GABBR2: variants seen among roughly 807,000 people sequenced by gnomAD.
The protein encoded by GABBR2 is gamma-aminobutyric acid type B receptor subunit 2, also known as G-protein coupled receptor 51.
Under a neutral mutation model 105.6 loss-of-function variants are expected in GABBR2, and 23 were observed. The observed-to-expected ratio is 0.22, with a 90% CI of 0.16 to 0.31. The LOEUF (loss-of-function observed/expected upper bound fraction) is 0.31. Among genes scored for constraint, GABBR2 ranks in the 10% least tolerant of loss-of-function variants. GABBR2 has a pLI of 1.00. For synonymous variants in GABBR2, 478 were observed against 499.7 expected (o/e 0.96, Z 0.58); for missense variants, 734 against 1,245.5 (o/e 0.59, Z 6.18).
chr9:98,516,793 C>T (rs1313708888), intron 3 of GABBR2, among the ~76,000 whole-genome samples: 1 of 152,180 alleles, frequency 6.6e-6, no homozygotes, highest in African/African-American at 2.4e-5. Flanking sequence ...CCGATATCAA[C>T]CACCCTTGGG....
intron 5 of GABBR2, among the ~76,000 whole-genome samples, chr9:98,479,519 C>T (rs1375647016): frequency 6.6e-6 from 1 of 152,230 alleles, no homozygotes; most frequent in Non-Finnish European, 1.5e-5. Context: ...CTCACAGCCT[C>T]TCCCTTCTCC....
At chr9:98,607,948 A>G in intron 1 of GABBR2, 1 of 1,354,522 alleles carries the variant, frequency 7.4e-7, no homozygotes. Context: ...AAGAACTCTG[A>G]AGCTGAGCTC....
chr9:98,337,649 A>T (rs114648617), intron 13 of GABBR2, among the ~76,000 whole-genome samples: 1,928 of 152,350 alleles, frequency 0.013, 33 homozygotes, highest in African/African-American at 0.044. Flanking sequence ...AATTGGTGGA[A>T]TAGAATTGAG....
intron 1 of GABBR2, among the ~76,000 whole-genome samples, chr9:98,654,581 T>C (rs1011874397): frequency 1.3e-5 from 2 of 152,124 alleles, no homozygotes; most frequent in Non-Finnish European, 2.9e-5. Flanking sequence ...TTAGAGGACA[T>C]GCAACGACAA....
rs1379505530 is a variant in GABBR2 at position 98,299,252 on chromosome 9, G to A, written c.2514C>T (p.Leu838=). The change falls in exon 17 of 19, where the codon CTC becomes CTT. Residue 838 remains leucine, a synonymous_variant. Coordinates refer to ENST00000259455, the MANE Select transcript of GABBR2 (RefSeq NM_005458.8). The part of the protein sequence containing the change: ...QNHYQELNDI[L]NLGNFTESTD... ...TGCTCTCAGTGAAGTTTCCCAGGTT[G>A]AGGATGTCATTGAGCTCTTGGTAGT... The A allele has an allele frequency of 5.6e-6, 9 of 1,614,012 alleles. No homozygotes were observed. The African/African-American group carries it at 9.3e-5, about 17-fold the overall frequency.
rs1825917955 is a variant in GABBR2 at position 98,436,360 on chromosome 9, T to TCCATAAATATACC, written c.1236+17620_1236+17621insGGTATATTTATGG. On this transcript the variant is annotated intron_variant, in intron 7 of 18. Coordinates refer to ENST00000259455, the MANE Select transcript of GABBR2 (RefSeq NM_005458.8). ...CACACACACACACCATATATATATA[T>TCCATAAATATACC]ATATATATATATATATATATATATA... is the stretch of plus-strand genomic sequence containing the variant. 4.6e-4 allele frequency among the ~76,000 whole-genome samples: 2 copies of TCCATAAATATACC among 4,372 alleles called. 1 individual carries two copies. Among genetic ancestry groups the TCCATAAATATACC allele is most frequent in the East Asian group, 0.018 (2 of 114 alleles). 2.9% of individuals were successfully genotyped at this position (4,372 alleles called of 152,430 possible).
At chr9:98,596,571 C>T (rs1246501517) in intron 1 of GABBR2, among the ~76,000 whole-genome samples, 14 of 152,108 alleles carry the variant, frequency 9.2e-5, no homozygotes, top group East Asian at 3.9e-4. Flanking sequence ...ATTCCTATAA[C>T]AGCCTGGCCC....
chr9:98,444,369 G>A (rs771233625), intron 7 of GABBR2, among the ~76,000 whole-genome samples: 9 of 152,156 alleles, frequency 5.9e-5, no homozygotes, highest in Non-Finnish European at 1.2e-4. Context: ...GGGAAGGAGA[G>A]AGGAGGGGAG....
intron 1 of GABBR2, among the ~76,000 whole-genome samples, chr9:98,611,133 A>G (rs755761985): frequency 1.3e-5 from 2 of 152,192 alleles, no homozygotes; most frequent in South Asian, 2.1e-4. Context: ...TCCTCTCCCA[A>G]CTGGGCTACT....
At chr9:98,293,408 C>T (rs1336082534) in intron 18 of GABBR2, among the ~76,000 whole-genome samples, 1 of 152,156 alleles carries the variant, frequency 6.6e-6, no homozygotes, top group Non-Finnish European at 1.5e-5. Context: ...TTCTTCACCG[C>T]TGTAACCCTA....
At chr9:98,537,040 T>C (rs1828194836) in intron 3 of GABBR2, among the ~76,000 whole-genome samples, 2 of 152,258 alleles carry the variant, frequency 1.3e-5, no homozygotes, top group South Asian at 4.1e-4. Flanking sequence ...TCTGAGCCAA[T>C]TACGCAGGAC....
chr9:98,291,160 C>G (rs1181756253), intron 18 of GABBR2, among the ~76,000 whole-genome samples: 1 of 152,164 alleles, frequency 6.6e-6, no homozygotes, highest in East Asian at 1.9e-4. Context: ...CCTAGCTGAG[C>G]CTCGCCTACC....
chr9:98,484,942 A>T (rs1436777525), intron 4 of GABBR2, among the ~76,000 whole-genome samples: 1 of 152,156 alleles, frequency 6.6e-6, no homozygotes, highest in Non-Finnish European at 1.5e-5. Flanking sequence ...CTGCCAGGGT[A>T]TGGGCCCATT....
At chr9:98,676,110 A>T (rs1830474592) in intron 1 of GABBR2, among the ~76,000 whole-genome samples, 1 of 152,254 alleles carries the variant, frequency 6.6e-6, no homozygotes, top group African/African-American at 2.4e-5. Flanking sequence ...GATAGGTTTG[A>T]TGTAATCACA....
chr9:98,538,405 G>A lies in GABBR2; in HGVS notation c.630+3468C>T, dbSNP rs111911519. The A allele has an allele frequency of 8.4e-3, 1,285 of 153,470 alleles. 21 individuals carry two copies. Among genetic ancestry groups the A allele is most frequent in the African/African-American group, 0.029 (1,217 of 41,580 alleles). 9.5% of individuals were successfully genotyped at this position (153,470 alleles called of 1,614,324 possible). ...CCATGGAACCCTGGTCCCAGCAGCA[G>A]CTCTAGATCTGATACATCCTAGGGT... On this transcript the variant is annotated intron_variant, in intron 3 of 18. Coordinates refer to ENST00000259455, the MANE Select transcript of GABBR2 (RefSeq NM_005458.8).
intron 13 of GABBR2, among the ~76,000 whole-genome samples, chr9:98,358,645 TGGTGAAAAA>T (rs1244855268): frequency 6.6e-6 from 1 of 152,292 alleles, no homozygotes; most frequent in East Asian, 1.9e-4. Context: ...GATGCATAGC[TGGTGAAAAA>T]GGTGAGAGTG....
At chr9:98,667,418 G>A (rs1830350842) in intron 1 of GABBR2, among the ~76,000 whole-genome samples, 1 of 152,122 alleles carries the variant, frequency 6.6e-6, no homozygotes, top group African/African-American at 2.4e-5. Flanking sequence ...CGCTACCCCA[G>A]CTGCAGGGAG....
In GABBR2 at chr9:98,708,561, C is replaced by A. The variant is rs749688367; in HGVS notation, c.177G>T (p.Met59Ile). The A allele has an allele frequency of 1.3e-6, 2 of 1,566,560 alleles. No individual in the cohort carries two copies. Among genetic ancestry groups the A allele is most frequent in the Non-Finnish European group, 1.7e-6 (2 of 1,160,076 alleles). The change falls in exon 1 of 19, where the codon ATG (methionine) becomes ATT (isoleucine). Residue 59 changes from methionine to isoleucine, a missense_variant. Physicochemically the swap from Met to Ile is conservative, Grantham distance 10. Coordinates refer to ENST00000259455, the MANE Select transcript of GABBR2 (RefSeq NM_005458.8). ...PPPSSPPLSI[M>I]GLMPLTKEVA... The stretch of plus-strand genomic sequence containing the variant: ...CCTCCTTGGTGAGCGGCATGAGGCC[C>A]ATGATGGAGAGCGGCGGGCTGCTGG...
intron 14 of GABBR2, among the ~76,000 whole-genome samples, chr9:98,310,193 G>A (rs1200623164): frequency 6.6e-6 from 1 of 152,152 alleles, no homozygotes; most frequent in East Asian, 1.9e-4. Flanking sequence ...TGGTGGAGCT[G>A]ACCTTTCAAG....
Sources: gnomAD v4.1 joint callset for allele counts (sites outside exome capture counted in the v4.1 genomes callset) on GRCh38, gnomAD v4.1.1 for gene constraint, MANE v1.5 for transcripts, NCBI Gene and HGNC (gene_info 2026-07-23, HGNC 2026-07-21) for gene names.